The following C8B variants were observed in gnomAD, a reference collection of about 807,000 sequenced individuals.
C8B encodes complement component C8 beta chain.
Under a neutral mutation model 64.6 loss-of-function variants are expected in C8B, and 67 were observed. That is an observed-to-expected ratio of 1.04 (90% CI 0.85 to 1.27). The LOEUF (loss-of-function observed/expected upper bound fraction) is 1.27, where lower values mean the gene tolerates loss of function less well. Ranked by LOEUF, C8B falls within the 50% of genes most tolerant of loss-of-function variation. The pLI, the probability that C8B is intolerant of heterozygous loss-of-function variation, is 0.00. For missense variants in C8B, 790 were observed against 725.2 expected (o/e 1.09, Z -1.03); for synonymous variants, 284 against 257.7 (o/e 1.10, Z -0.98).
intron 4 of C8B, among the ~76,000 whole-genome samples, chr1:56,953,976 T>C (rs1645062727): frequency 1.3e-5 from 2 of 152,164 alleles, no homozygotes; most frequent in Non-Finnish European, 2.9e-5. Context: ...TGAGATTTGA[T>C]GGGTTTTTTT....
chr1:56,959,888 T>C (rs1183246678), intron 2 of C8B, 132 bp downstream of exon 2: 2 of 978,830 alleles, frequency 2.0e-6, no homozygotes, highest in Non-Finnish European at 3.2e-6. Flanking sequence ...AAGGAAAGGA[T>C]GCATTTATTA....
chr1:56,949,751 GT>G lies in C8B; in HGVS notation c.667del (p.Thr223ProfsTer9). On this transcript the variant is annotated frameshift_variant and splice_region_variant, in exon 6 of 12. Coordinates refer to ENST00000371237, the MANE Select transcript of C8B (RefSeq NM_000066.4). LOFTEE classifies it high-confidence loss of function. ...TAATATGAATTCGTATTTGCCTTGG[GT>G]CTAAAGAAGAAAAAAGAAAGGGTTT... ...PYNVESYTPQ[T>X]QGKYEFILKE... is the part of the protein sequence containing the mutation. The G allele has an allele frequency of 1.2e-6, 2 of 1,608,402 alleles. No homozygotes were observed. The highest frequency in any genetic ancestry group is 1.7e-6 in the Non-Finnish European group (2 of 1,176,048).
chr1:56,940,161 A>G (rs1049946010), intron 9 of C8B, among the ~76,000 whole-genome samples: 2 of 152,192 alleles, frequency 1.3e-5, no homozygotes, highest in Admixed American at 1.3e-4. Context: ...TAATGTTTAA[A>G]TGAATAAATA....
chr1:56,956,864 G>C lies in C8B; in HGVS notation c.296C>G (p.Pro99Arg). The C allele has an allele frequency of 1.2e-6, 2 of 1,614,092 alleles. No homozygotes were observed. Among genetic ancestry groups the C allele is most frequent in the African/African-American group, 2.7e-5 (2 of 75,010 alleles). ...GACTTCCTTGTCAGAGAAGTTGCAC[G>C]GTTCCCCATGGAACTGAGAGGGCTG... The part of the protein sequence containing the change: ...LLQPSQFHGE[P>R]CNFSDKEVED... The change falls in exon 3 of 12, where the codon CCG becomes CGG. Residue 99 changes from proline to arginine, a missense_variant. Physicochemically the swap from Pro to Arg is moderately radical, Grantham distance 103 (BLOSUM62 -2). Transcript: ENST00000371237.
chr1:56,946,449 A>C (rs1644943844), intron 6 of C8B, among the ~76,000 whole-genome samples: 1 of 152,234 alleles, frequency 6.6e-6, no homozygotes, highest in East Asian at 1.9e-4. Flanking sequence ...TGCAAGAAAG[A>C]GTAAAAGTGG....
chr1:56,954,087 A>C (rs1160799315), intron 4 of C8B, among the ~76,000 whole-genome samples: 4 of 152,002 alleles, frequency 2.6e-5, no homozygotes, highest in Non-Finnish European at 2.9e-5. Context: ...TCCCTCTTCC[A>C]CCTGCAGGCT....
intron 10 of C8B, among the ~76,000 whole-genome samples, chr1:56,933,055 C>T (rs554996771): frequency 3.9e-5 from 6 of 152,304 alleles, no homozygotes; most frequent in African/African-American, 1.4e-4. Flanking sequence ...AGGGCTTCTC[C>T]TACTCAGCCC....
At chr1:56,959,338 C>T (rs1171957955) in intron 2 of C8B, among the ~76,000 whole-genome samples, 1 of 152,142 alleles carries the variant, frequency 6.6e-6, no homozygotes, top group East Asian at 1.9e-4. Context: ...AAATAAGTGG[C>T]ATGATGTGAT....
At chr1:56,943,114 G>C (rs2101396349) in intron 8 of C8B, among the ~76,000 whole-genome samples, 1 of 151,864 alleles carries the variant, frequency 6.6e-6, no homozygotes, top group South Asian at 2.1e-4. Context: ...ATAAAAAAAA[G>C]CTGGGGGAGG....
At chr1:56,951,411 C>T (rs55891661) in intron 5 of C8B, among the ~76,000 whole-genome samples, 1,725 of 152,198 alleles carry the variant, frequency 0.011, 40 homozygotes, top group African/African-American at 0.04. Flanking sequence ...GTGTTCCCAT[C>T]GGATCTCAAG....
rs376893813 is a variant in C8B, at chr1:56,929,376, T to C, written c.*28A>G. Reference sequence around the variant, plus strand: ...GTTCTTGAGGGCTCAGGGCTCTCATTGTATGTAGCCCACTGCTGTATCATC... The same window carrying C: ...GTTCTTGAGGGCTCAGGGCTCTCATCGTATGTAGCCCACTGCTGTATCATC... On this transcript the variant is annotated 3_prime_UTR_variant, in exon 12 of 12. Coordinates refer to ENST00000371237, the MANE Select transcript of C8B (RefSeq NM_000066.4). The C allele has an allele frequency of 6.2e-7, 1 of 1,610,906 alleles. No homozygotes were observed. The highest frequency in any genetic ancestry group is 1.3e-5 in the African/African-American group (1 of 74,818).
intron 1 of C8B, among the ~76,000 whole-genome samples, chr1:56,965,507 A>T (rs181792405): frequency 6.6e-6 from 1 of 151,296 alleles, no homozygotes; most frequent in African/African-American, 2.5e-5. Flanking sequence ...ATTTATTAAA[A>T]TCATTTCATG....
chr1:56,944,736 T>A (rs1644916244), intron 7 of C8B, among the ~76,000 whole-genome samples: 1 of 152,232 alleles, frequency 6.6e-6, no homozygotes, highest in Non-Finnish European at 1.5e-5. Context: ...GAGACCATTT[T>A]TATGCAGGAA....
chr1:56,948,041 A>G (rs146913368), intron 6 of C8B, among the ~76,000 whole-genome samples: 20 of 152,324 alleles, frequency 1.3e-4, no homozygotes, highest in African/African-American at 4.3e-4. Context: ...AGGCCAGAAT[A>G]TTATCCTAGA....
chr1:56,957,992 T>G lies in C8B; in HGVS notation c.250-1082A>C, dbSNP rs139718750. 7.6e-3 allele frequency among the ~76,000 whole-genome samples: 1,151 copies of G among 152,164 alleles called. 16 individuals are homozygous for G. Among genetic ancestry groups the G allele is most frequent in the African/African-American group, 0.026 (1,086 of 41,522 alleles). On this transcript the variant is annotated intron_variant, in intron 2 of 11. Coordinates refer to ENST00000371237, the MANE Select transcript of C8B (RefSeq NM_000066.4). ...GTGGGGCTCAGAAGAGTGATATGGGTGGAGGAAATTCCTGTACCAAAGCTG... is the reference window on the plus strand; with the variant it reads ...GTGGGGCTCAGAAGAGTGATATGGGGGGAGGAAATTCCTGTACCAAAGCTG...
chr1:56,930,066 A>C (rs1219058071), intron 11 of C8B, among the ~76,000 whole-genome samples: 1 of 152,244 alleles, frequency 6.6e-6, no homozygotes, highest in Non-Finnish European at 1.5e-5. Flanking sequence ...GCAGGCAAAC[A>C]GGAGGCCCTT....
intron 1 of C8B, among the ~76,000 whole-genome samples, chr1:56,960,972 A>G (rs1307667076): frequency 6.6e-6 from 1 of 151,894 alleles, no homozygotes; most frequent in East Asian, 1.9e-4. Flanking sequence ...TACAGATCTG[A>G]TCATGGAAAG....
chr1:56,931,315 A>G (rs2101349556), intron 11 of C8B, among the ~76,000 whole-genome samples: 1 of 152,332 alleles, frequency 6.6e-6, no homozygotes, highest in Middle Eastern at 3.4e-3. Context: ...TAAATGGGAC[A>G]TGGTCCCTAC....
chr1:56,949,610 C>T lies in C8B; in HGVS notation c.809G>A (p.Ser270Asn), dbSNP rs1644990789. 5 of 1,613,938 alleles carry T rather than the reference C, an allele frequency of 3.1e-6. No individual in the cohort carries two copies. The highest frequency in any genetic ancestry group is 3.4e-6 in the Non-Finnish European group (4 of 1,179,960). ...IPGIFELGISSQSDRGKHYIR... is the reference protein window; with the variant it reads ...IPGIFELGISNQSDRGKHYIR... Reference sequence around the variant, plus strand: ...ATAGTGTTTGCCTCGATCACTTTGACTACTGATGCCAAGTTCAAATATTCC... The same window carrying T: ...ATAGTGTTTGCCTCGATCACTTTGATTACTGATGCCAAGTTCAAATATTCC... The change falls in exon 6 of 12, where the codon AGT becomes AAT. Residue 270 changes from serine to asparagine, a missense_variant. By Grantham distance (46) the Ser-to-Asn change is conservative (BLOSUM62 1). Coordinates refer to ENST00000371237, the MANE Select transcript of C8B (RefSeq NM_000066.4).
Sources: allele counts gnomAD v4.1 joint callset (sites outside exome capture counted in the v4.1 genomes callset), GRCh38; gene constraint gnomAD v4.1.1; transcripts MANE v1.5; gene names NCBI Gene and HGNC (gene_info 2026-07-23, HGNC 2026-07-21).